Variants in USP34 observed in about 807,000 individuals in gnomAD.
USP34 encodes ubiquitin specific peptidase 34, also known as ubiquitin carboxyl-terminal hydrolase 34.
In USP34, 70 loss-of-function variants were observed where a neutral mutation model predicts 460.3. The ratio of observed to expected loss-of-function variants is 0.15; its 90% CI spans 0.13 to 0.19. The LOEUF is 0.19. Among genes scored for constraint, USP34 ranks in the 10% least tolerant of loss-of-function variants. USP34 has a pLI of 1.00. For missense variants in USP34, 3,985 were observed against 4,236.2 expected, an observed-to-expected ratio of 0.94 and a Z score of 1.65; for synonymous variants, 1,647 against 1,405.3, an observed-to-expected ratio of 1.17 and a Z score of -3.85.
intron 67 of USP34, among the ~76,000 whole-genome samples, chr2:61,219,297 G>C (rs1687490882): frequency 6.6e-6 from 1 of 152,282 alleles, no homozygotes; most frequent in South Asian, 2.1e-4. Flanking sequence ...CACACATCTT[G>C]TATATTCCCT....
At chr2:61,278,783 T>TA (rs11404093) in intron 39 of USP34, among the ~76,000 whole-genome samples, 50,603 of 148,882 alleles carry the variant, frequency 0.34, 8,425 homozygotes, top group South Asian at 0.38. Flanking sequence ...TAAAGTATAA[T>TA]AAAAAAAAAA....
At chr2:61,370,439 T>C (rs375264430) in intron 9 of USP34, 26 bp from the exon 10 acceptor site, 88 of 1,612,964 alleles carry the variant, frequency 5.5e-5, no homozygotes, top group Middle Eastern at 1.6e-4. Context: ...TTAATATCAA[T>C]TTTTAAAAAT....
chr2:61,449,183 G>A (rs1050690333), intron 1 of USP34, among the ~76,000 whole-genome samples: 4 of 151,526 alleles, frequency 2.6e-5, no homozygotes, highest in Admixed American at 1.3e-4. Context: ...AGGGACAAGA[G>A]GAGCGCTCGA....
chr2:61,459,700 C>T lies in USP34; in HGVS notation c.43+10950G>A, dbSNP rs527891734. Among the ~76,000 whole-genome samples the T allele has an allele frequency of 1.5e-4, 23 of 151,620 alleles. No individual in the cohort carries two copies. In the South Asian group the frequency reaches 4.8e-3, roughly 31 times the overall value. ...GCTGAGGCAGGAGAATCGCTTGAAC[C>T]CGGGAGGCGAAGGCTGCAGTGAGCT... On this transcript the variant is annotated intron_variant, in intron 1 of 79. Transcript: ENST00000398571.
In USP34 at chr2:61,378,913, G is replaced by GAAAAAAAAAAA. The variant is rs34463913; in HGVS notation, c.1015-500_1015-490dup. On this transcript the variant is annotated intron_variant, in intron 7 of 79. Transcript: ENST00000398571. ...GAGTGAGAGTCCATCTCAAAAAAAC[G>GAAAAAAAAAAA]AAAAAAAAAAAAAAAAAAAAAAAAC... 1.8e-3 allele frequency among the ~76,000 whole-genome samples: 106 copies of GAAAAAAAAAAA among 57,868 alleles called. 8 individuals are homozygous for GAAAAAAAAAAA. Among genetic ancestry groups the GAAAAAAAAAAA allele is most frequent in the Non-Finnish European group, 2.3e-3 (80 of 35,270 alleles). The allele number at this position is 57,868 out of a possible 152,430, so 38.0% of individuals were successfully genotyped here. A position where few individuals can be genotyped will look rare whatever the true frequency, so the allele number is the denominator to read the frequency against.
At chr2:61,391,010 G>A (rs749322835) in intron 5 of USP34, among the ~76,000 whole-genome samples, 2 of 151,914 alleles carry the variant, frequency 1.3e-5, no homozygotes, top group South Asian at 4.2e-4. Flanking sequence ...CAGGAGAATC[G>A]CTTGAATCTG....
chr2:61,365,622 G>C (rs1370663209), intron 10 of USP34, among the ~76,000 whole-genome samples: 1 of 152,060 alleles, frequency 6.6e-6, no homozygotes, highest in Non-Finnish European at 1.5e-5. Context: ...GAGTAAGGAA[G>C]AAAGGAATGA....
intron 27 of USP34, among the ~76,000 whole-genome samples, chr2:61,305,297 T>G (rs1690367919): frequency 6.6e-6 from 1 of 151,208 alleles, no homozygotes; most frequent in South Asian, 2.1e-4. Context: ...CACTCCAGCC[T>G]GGGCAACAGT....
intron 58 of USP34, 73 bp downstream of exon 58, chr2:61,232,379 A>G: frequency 8.0e-7 from 1 of 1,252,072 alleles, no homozygotes; most frequent in Non-Finnish European, 1.2e-6. Context: ...CACACTTATA[A>G]GCAAATTGAG....
intron 27 of USP34, among the ~76,000 whole-genome samples, chr2:61,308,801 G>C (rs190027984): frequency 1.4e-3 from 211 of 152,252 alleles, no homozygotes; most frequent in African/African-American, 4.8e-3. Context: ...AGCACTTTGG[G>C]AGGCCTAAGT....
intron 20 of USP34, among the ~76,000 whole-genome samples, chr2:61,326,015 T>TA (rs1163647322): frequency 6.6e-6 from 1 of 152,184 alleles, no homozygotes; most frequent in Non-Finnish European, 1.5e-5. Flanking sequence ...TTGAAACTTT[T>TA]AAAGAAGCAA....
intron 1 of USP34, among the ~76,000 whole-genome samples, chr2:61,467,326 A>G (rs1258718969): frequency 6.6e-6 from 1 of 151,844 alleles, no homozygotes; most frequent in Non-Finnish European, 1.5e-5. Flanking sequence ...AAAAAATAAT[A>G]ATAATAAAAA....
At chr2:61,298,572 A>AAAAAAAC (rs1690115222) in intron 29 of USP34, among the ~76,000 whole-genome samples, 8 of 130,148 alleles carry the variant, frequency 6.1e-5, no homozygotes, top group South Asian at 2.5e-4. Context: ...AAAAAAAAAA[A>AAAAAAAC]TCTGCTGAAA....
chr2:61,192,854 G>A, intron 76 of USP34, 47 bp downstream of exon 76: 1 of 1,508,790 alleles, frequency 6.6e-7, no homozygotes, highest in Non-Finnish European at 9.1e-7. Context: ...TTGACCACTT[G>A]GTCAGATAAG....
chr2:61,370,787 A>T (rs1692598824), intron 8 of USP34, among the ~76,000 whole-genome samples: 1 of 152,224 alleles, frequency 6.6e-6, no homozygotes, highest in African/African-American at 2.4e-5. Flanking sequence ...TTTATAAACA[A>T]GCAACGAATA....
In USP34 at chr2:61,190,899, G is replaced by A. The variant is rs569048893; in HGVS notation, c.9589-241C>T. 1.1e-4 allele frequency: 40 copies of A among 375,452 alleles called. 3 individuals are homozygous for A. The South Asian group carries it at 1.3e-3, about 12-fold the overall frequency. 23.3% of individuals were successfully genotyped at this position (375,452 alleles called of 1,614,324 possible). ...AGTGCTGGGGGAAGACACTGATGCC[G>A]AAACTGAACAAATGTTTTAAAAGAA... On this transcript the variant is annotated intron_variant, in intron 76 of 79. Coordinates refer to ENST00000398571, the MANE Select transcript of USP34 (RefSeq NM_014709.4).
chr2:61,189,233 T>A (rs1263429228), intron 78 of USP34, 164 bp from the exon 79 acceptor site: 9 of 708,296 alleles, frequency 1.3e-5, no homozygotes, highest in Non-Finnish European at 1.8e-5. Context: ...AAGCCAGTGT[T>A]AAGATACTAC....
rs1285116372 is a variant in USP34 at position 61,337,076 on chromosome 2, C to A, written c.2744+2275G>T. Reference sequence around the variant, plus strand: ...AGAGGGCACAGATCTAAGCGCACAGCTCAAAATACTGAGGTAAACACATCT... The same window carrying A: ...AGAGGGCACAGATCTAAGCGCACAGATCAAAATACTGAGGTAAACACATCT... On this transcript the variant is annotated intron_variant, in intron 18 of 79. Coordinates refer to ENST00000398571, the MANE Select transcript of USP34 (RefSeq NM_014709.4). Among the ~76,000 whole-genome samples the A allele has an allele frequency of 3.3e-5, 5 of 152,086 alleles. No individual in the cohort carries two copies. The East Asian group carries it at 9.6e-4, about 29-fold the overall frequency.
intron 1 of USP34, among the ~76,000 whole-genome samples, chr2:61,457,230 C>T (rs1415086940): frequency 7.9e-5 from 12 of 152,106 alleles, no homozygotes; most frequent in African/African-American, 2.2e-4. Flanking sequence ...GAGCCGTGAT[C>T]GTGCCACTGC....
Sources: allele counts gnomAD v4.1 joint callset (sites outside exome capture counted in the v4.1 genomes callset), GRCh38; gene constraint gnomAD v4.1.1; transcripts MANE v1.5; gene names NCBI Gene and HGNC (gene_info 2026-07-23, HGNC 2026-07-21).